ENAH: variants seen among roughly 807,000 people sequenced by gnomAD.
The protein encoded by ENAH is ENAH actin regulator, also known as protein enabled homolog.
Under a neutral mutation model 78.7 loss-of-function variants are expected in ENAH, and 23 were observed. That is an observed-to-expected ratio of 0.29 (90% CI 0.21 to 0.41). ENAH has a LOEUF of 0.41. Ranked by LOEUF, ENAH falls within the 10% of genes least tolerant of loss-of-function variation. The pLI, the probability that ENAH is intolerant of heterozygous loss-of-function variation, is 1.00. For missense variants in ENAH, 544 were observed against 691.0 expected, an observed-to-expected ratio of 0.79 and a Z score of 2.39; for synonymous variants, 226 against 241.0, an observed-to-expected ratio of 0.94 and a Z score of 0.58.
chr1:225,560,217 G>A (rs961441869), intron 2 of ENAH, among the ~76,000 whole-genome samples: 1 of 151,890 alleles, frequency 6.6e-6, no homozygotes, highest in Non-Finnish European at 1.5e-5. Flanking sequence ...GCCCCCCAAG[G>A]CTGGAGGTAG....
At chr1:225,586,885 G>C (rs944018422) in intron 1 of ENAH, among the ~76,000 whole-genome samples, 1 of 149,872 alleles carries the variant, frequency 6.7e-6, no homozygotes, top group African/African-American at 2.5e-5. Context: ...GTAGCCAGGC[G>C]TGGTGGCACG....
chr1:225,579,229 ATAAAC>A (rs2096802505), intron 1 of ENAH, among the ~76,000 whole-genome samples: 2 of 152,372 alleles, frequency 1.3e-5, no homozygotes, highest in Non-Finnish European at 2.9e-5. Context: ...GATTCTGACT[ATAAAC>A]TATATTAGTT....
At chr1:225,571,471 C>T (rs2096762120) in intron 1 of ENAH, among the ~76,000 whole-genome samples, 2 of 152,162 alleles carry the variant, frequency 1.3e-5, no homozygotes, top group African/African-American at 4.8e-5. Flanking sequence ...TTTTATAACT[C>T]TACTGTTCAA....
chr1:225,571,133 C>A (rs2096760189), intron 1 of ENAH, among the ~76,000 whole-genome samples: 1 of 152,010 alleles, frequency 6.6e-6, no homozygotes, highest in African/African-American at 2.4e-5. Flanking sequence ...AAACTCAGCA[C>A]TTTGGGAGGC....
chr1:225,613,115 A>T (rs1015299834), intron 1 of ENAH, among the ~76,000 whole-genome samples: 1 of 152,180 alleles, frequency 6.6e-6, no homozygotes, highest in African/African-American at 2.4e-5. Context: ...TGAACAAAGC[A>T]AGCTCATTTT....
intron 1 of ENAH, among the ~76,000 whole-genome samples, chr1:225,583,892 C>A (rs2147788130): frequency 6.6e-6 from 1 of 152,122 alleles, no homozygotes; most frequent in East Asian, 1.9e-4. Flanking sequence ...GTGGCTCGCA[C>A]CTGTAATCCC....
At chr1:225,569,397 C>T (rs752169272) in intron 1 of ENAH, among the ~76,000 whole-genome samples, 4 of 152,150 alleles carry the variant, frequency 2.6e-5, no homozygotes, top group Non-Finnish European at 5.9e-5. Flanking sequence ...ATGGGTGCAG[C>T]AAACCAACAT....
In ENAH at chr1:225,512,907, C is replaced by T; in HGVS notation, c.1328G>A (p.Gly443Asp). 1 of 1,614,048 alleles carries T rather than the reference C, an allele frequency of 6.2e-7. No individual in the cohort carries two copies. The highest frequency in any genetic ancestry group is 1.3e-5 in the African/African-American group (1 of 75,036). Residue 443 changes from glycine to aspartate, a missense_variant, in exon 8 of 14, where the codon GGT becomes GAT. Around this residue, in one of 4 missense-constraint regions of ENAH, gnomAD observed 366 missense variants for 396.1 expected, o/e 0.92. Transcript: ENST00000366843. ...CAGGGCACTCATTTCTTCCATTAAA[C>T]CACTACCCCCTAAAGGAAGGGGTCC... is the stretch of plus-strand genomic sequence containing the variant. Reference protein sequence around the residue: ...GNGPLPLGGSGLMEEMSALLA... With the variant: ...GNGPLPLGGSDLMEEMSALLA...
intron 1 of ENAH, among the ~76,000 whole-genome samples, chr1:225,589,414 CTAAA>C (rs1164602259): frequency 1.3e-5 from 2 of 151,982 alleles, no homozygotes; most frequent in Non-Finnish European, 2.9e-5. Context: ...AGAAATGCAT[CTAAA>C]TAAATAAATA....
At position 225,548,847 on chromosome 1, in the gene ENAH, A is replaced by ATTTT. The variant is rs11392563; in HGVS notation, c.349+6055_349+6058dup. Reference sequence around the variant, plus strand: ...TACTCACTTAATACTTAGTGAACAGATTTTTTTTTTTTTTTTTTGAGGCAG... The same window carrying ATTTT: ...TACTCACTTAATACTTAGTGAACAGATTTTTTTTTTTTTTTTTTTTTTGAGGCAG... On this transcript the variant is annotated intron_variant, in intron 3 of 13. Transcript: ENST00000366843. 3.6e-5 allele frequency among the ~76,000 whole-genome samples: 5 copies of ATTTT among 139,368 alleles called. 1 individual carries two copies. Among genetic ancestry groups the ATTTT allele is most frequent in the African/African-American group, 8.0e-5 (3 of 37,412 alleles). The allele number at this position is 139,368 out of a possible 152,430, so 91.4% of individuals were successfully genotyped here.
At chr1:225,555,431 A>T (rs1369972451) in intron 2 of ENAH, among the ~76,000 whole-genome samples, 1 of 152,034 alleles carries the variant, frequency 6.6e-6, no homozygotes. Context: ...AAATACAAAA[A>T]ATTAGCCAGG....
chr1:225,620,124 C>G (rs539869664), intron 1 of ENAH, among the ~76,000 whole-genome samples: 13 of 151,852 alleles, frequency 8.6e-5, no homozygotes, highest in Non-Finnish European at 1.5e-4. Context: ...TAAGCTCCTA[C>G]CAAAAATCTG....
intron 1 of ENAH, among the ~76,000 whole-genome samples, chr1:225,575,657 T>C (rs1255713431): frequency 1.3e-5 from 2 of 152,200 alleles, no homozygotes; most frequent in Admixed American, 6.5e-5. Flanking sequence ...AATTCTGATC[T>C]GTCCTTGAGA....
intron 4 of ENAH, among the ~76,000 whole-genome samples, chr1:225,525,790 C>T (rs1160019270): frequency 6.6e-6 from 1 of 152,006 alleles, no homozygotes; most frequent in Non-Finnish European, 1.5e-5. Flanking sequence ...TTTGAAGCTC[C>T]CCCACCTTGT....
At chr1:225,586,070 G>T (rs764075776) in intron 1 of ENAH, among the ~76,000 whole-genome samples, 2 of 151,726 alleles carry the variant, frequency 1.3e-5, no homozygotes, top group Non-Finnish European at 2.9e-5. Flanking sequence ...TTAAAAATTG[G>T]CCAGGCATGG....
intron 1 of ENAH, among the ~76,000 whole-genome samples, chr1:225,603,235 A>G (rs2096939189): frequency 6.6e-6 from 1 of 152,102 alleles, no homozygotes; most frequent in Non-Finnish European, 1.5e-5. Flanking sequence ...CCTAAGTAAA[A>G]ATAAATAATT....
At chr1:225,556,135 T>C (rs1558807519) in intron 2 of ENAH, among the ~76,000 whole-genome samples, 1 of 152,210 alleles carries the variant, frequency 6.6e-6, no homozygotes, top group Non-Finnish European at 1.5e-5. Flanking sequence ...ATTGGATTAT[T>C]TGCAGTTTGG....
chr1:225,640,850 AT>A (rs1459288750), intron 1 of ENAH, among the ~76,000 whole-genome samples: 3 of 151,474 alleles, frequency 2.0e-5, no homozygotes, highest in Non-Finnish European at 4.4e-5. Context: ...AAGGAAAAAC[AT>A]TTTTAAAAAC....
intron 2 of ENAH, among the ~76,000 whole-genome samples, chr1:225,564,967 T>G (rs1038509857): frequency 7.9e-5 from 12 of 152,020 alleles, no homozygotes; most frequent in African/African-American, 2.7e-4. Context: ...TCTTATTTTC[T>G]AAATATTTTT....
Sources: gnomAD v4.1 joint callset for allele counts (sites outside exome capture counted in the v4.1 genomes callset) on GRCh38, gnomAD v4.1.1 for gene constraint, gnomAD v4.1.1 regional missense constraint, MANE v1.5 for transcripts, NCBI Gene and HGNC (gene_info 2026-07-23, HGNC 2026-07-21) for gene names.